AIRE: variants seen among roughly 807,000 people sequenced by gnomAD.
AIRE encodes autoimmune regulator.
AIRE carries 52 observed loss-of-function variants against 62.1 expected under a neutral mutation model. The ratio of observed to expected loss-of-function variants is 0.84; its 90% CI spans 0.67 to 1.06. The LOEUF (loss-of-function observed/expected upper bound fraction) is 1.06. Ranked by LOEUF, AIRE falls within the 50% of genes least tolerant of loss-of-function variation. The pLI, the probability that AIRE is intolerant of heterozygous loss-of-function variation, is 0.00. For synonymous variants in AIRE, 342 were observed against 321.6 expected (o/e 1.06, Z -0.68); for missense variants, 774 against 755.8 (o/e 1.02, Z -0.28).
Position 44,291,122 on chromosome 21 carries a change from C to T in AIRE, c.907C>T (p.Arg303Trp), listed in dbSNP as rs778929451. 43 of 1,612,338 alleles carry T rather than the reference C, an allele frequency of 2.7e-5. No individual in the cohort carries two copies. The highest frequency in any genetic ancestry group is 3.3e-5 in the Admixed American group (2 of 59,986). The change falls in exon 8 of 14, where the codon CGG becomes TGG. Residue 303 changes from arginine (R) to tryptophan (W), a missense_variant. Arg to Trp is a moderately radical substitution (Grantham distance 101). Around this residue, in one of 3 missense-constraint regions of AIRE, gnomAD observed 35 missense variants for 63.7 expected, o/e 0.55. Transcript: ENST00000291582. ...GAATGAGGACGAGTGTGCCGTGTGTCGGGACGGCGGGGAGCTCATCTGCTG... is the reference window on the plus strand; with the variant it reads ...GAATGAGGACGAGTGTGCCGTGTGTTGGGACGGCGGGGAGCTCATCTGCTG... ...QKNEDECAVCRDGGELICCDG... is the reference protein window; with the variant it reads ...QKNEDECAVCWDGGELICCDG...
chr21:44,288,688 C>T (rs1033319992), intron 5 of AIRE: 5 of 543,776 alleles, frequency 9.2e-6, no homozygotes, highest in African/African-American at 1.9e-5. Flanking sequence ...ACATCCCCAC[C>T]CGGGATGTAC....
In AIRE at chr21:44,285,987, CG is replaced by C; in HGVS notation, c.-17del. On this transcript the variant is annotated 5_prime_UTR_variant, in exon 1 of 14. Transcript: ENST00000291582. ...GGACCCACCGCGTCCGCCCCAGCCC[CG>C]GGTCCCCGCGCCCACCCCATGGCGA... The C allele has an allele frequency of 4.6e-6, 7 of 1,525,614 alleles. No individual in the cohort carries two copies. Among genetic ancestry groups the C allele is most frequent in the Non-Finnish European group, 5.3e-6 (6 of 1,141,506 alleles). The allele number at this position is 1,525,614 out of a possible 1,614,324, so 94.5% of individuals were successfully genotyped here. A position where few individuals can be genotyped will look rare whatever the true frequency, so the allele number is the denominator to read the frequency against.
rs1225009680 is a variant in AIRE, at chr21:44,292,975, C to G, written c.1096-18C>G. 1 of 1,611,478 alleles carries G rather than the reference C, an allele frequency of 6.2e-7. No individual in the cohort carries two copies. Among genetic ancestry groups the G allele is most frequent in the East Asian group, 2.2e-5 (1 of 44,870 alleles). On this transcript the variant is annotated intron_variant, in intron 9 of 13. Coordinates refer to ENST00000291582, the MANE Select transcript of AIRE (RefSeq NM_000383.4). ...GCAGGCGCCCGCTGCCCCTCTGATGCTGACCCTTGGGTTCCAGCTCCCCCC... is the reference window on the plus strand; with the variant it reads ...GCAGGCGCCCGCTGCCCCTCTGATGGTGACCCTTGGGTTCCAGCTCCCCCC...
rs117917332 is a variant in AIRE at position 44,287,334 on chromosome 21, C to T, written c.464-183C>T. 5.5e-3 allele frequency: 4,118 copies of T among 742,594 alleles called. 12 individuals are homozygous for T. The highest frequency in any genetic ancestry group is 7.0e-3 in the Non-Finnish European group (3,138 of 448,612). The allele number at this position is 742,594 out of a possible 1,614,324, so 46.0% of individuals were successfully genotyped here. A position where few individuals can be genotyped will look rare whatever the true frequency, so the allele number is the denominator to read the frequency against. Reference sequence around the variant, plus strand: ...CCTCCTGCCTGAAGGCTGAGCTCCCCGGAGCTGGTGAAGTAGGCGGGCGGG... The same window carrying T: ...CCTCCTGCCTGAAGGCTGAGCTCCCTGGAGCTGGTGAAGTAGGCGGGCGGG... On this transcript the variant is annotated intron_variant, in intron 3 of 13. Transcript: ENST00000291582. The surrounding 1 kb of genome is among the most constrained non-coding windows in gnomAD (Gnocchi z 4.3).
intron 5 of AIRE, 50 bp from the exon 6 acceptor site, chr21:44,289,607 G>A (rs1422071749): frequency 1.2e-6 from 2 of 1,610,686 alleles, no homozygotes; most frequent in Admixed American, 1.7e-5. Flanking sequence ...GACTGCCAAG[G>A]CAGGTCCTGC....
intron 7 of AIRE, 81 bp from the exon 8 acceptor site, chr21:44,291,014 A>G (rs1174456643): frequency 6.2e-7 from 1 of 1,612,914 alleles, no homozygotes. Flanking sequence ...CTGCTGGGGG[A>G]GCTGTTTTGG....
rs1303723412 is a variant in AIRE, at chr21:44,292,973, T to C, written c.1096-20T>C. 6.2e-7 allele frequency: 1 copy of C among 1,611,156 alleles called. No individual in the cohort carries two copies. Among genetic ancestry groups the C allele is most frequent in the Admixed American group, 1.7e-5 (1 of 59,992 alleles). ...GGGCAGGCGCCCGCTGCCCCTCTGA[T>C]GCTGACCCTTGGGTTCCAGCTCCCC... On this transcript the variant is annotated intron_variant, in intron 9 of 13. Transcript: ENST00000291582.
chr21:44,295,737 A>G (rs3788113), intron 12 of AIRE, among the ~76,000 whole-genome samples: 46,512 of 151,878 alleles, frequency 0.31, 8,453 homozygotes, highest in African/African-American at 0.51. Flanking sequence ...CCCAGACCCC[A>G]TCCTGAGCAG....
intron 12 of AIRE, among the ~76,000 whole-genome samples, chr21:44,294,980 T>C (rs1358899481): frequency 6.6e-6 from 1 of 152,166 alleles, no homozygotes; most frequent in Non-Finnish European, 1.5e-5. Flanking sequence ...CTTCCTGTCC[T>C]CCTGCTCCGG....
At position 44,285,985 on chromosome 21, in the gene AIRE, C is replaced by T. The variant is rs1439079485; in HGVS notation, c.-22C>T. On this transcript the variant is annotated 5_prime_UTR_variant, in exon 1 of 14. Transcript: ENST00000291582. ...CGGGACCCACCGCGTCCGCCCCAGC[C>T]CCGGGTCCCCGCGCCCACCCCATGG... is the stretch of plus-strand genomic sequence containing the variant. 3 of 1,525,290 alleles carry T rather than the reference C, an allele frequency of 2.0e-6. No individual in the cohort carries two copies. Among genetic ancestry groups the T allele is most frequent in the Middle Eastern group, 2.2e-4 (1 of 4,480 alleles). The allele number at this position is 1,525,290 out of a possible 1,614,324, so 94.5% of individuals were successfully genotyped here.
chr21:44,294,955 GTCC>G (rs1601971005), intron 12 of AIRE, among the ~76,000 whole-genome samples: 2 of 152,194 alleles, frequency 1.3e-5, no homozygotes, highest in East Asian at 3.9e-4. Context: ...GTGACCCCGG[GTCC>G]AGCCAGTAGC....
At chr21:44,288,518 A>G (rs1222320933) in intron 5 of AIRE, 60 bp downstream of exon 5, 4 of 1,278,448 alleles carry the variant, frequency 3.1e-6, no homozygotes, top group African/African-American at 1.5e-5. Flanking sequence ...AGATGGAAGG[A>G]GGACCACGCC....
chr21:44,291,213 G>T lies in AIRE; in HGVS notation c.995+3G>T, dbSNP rs372856026. ...CCTCCGCTCCGGGAGATCCCCAGGT[G>T]AGCCTGCACCTCTGCCAGCGCAACC... On this transcript the variant is annotated splice_donor_region_variant and intron_variant, in intron 8 of 13. Coordinates refer to ENST00000291582, the MANE Select transcript of AIRE (RefSeq NM_000383.4). 8 of 1,599,776 alleles carry T rather than the reference G, an allele frequency of 5.0e-6. No homozygotes were observed. Among genetic ancestry groups the T allele is most frequent in the Non-Finnish European group, 5.9e-6 (7 of 1,179,632 alleles).
In AIRE at chr21:44,297,409, G is replaced by A. The variant is rs948022642; in HGVS notation, c.1567-247G>A. Among the ~76,000 whole-genome samples the A allele has an allele frequency of 5.3e-5, 8 of 151,932 alleles. No homozygotes were observed. Among genetic ancestry groups the A allele is most frequent in the Non-Finnish European group, 1.2e-4 (8 of 67,996 alleles). On this transcript the variant is annotated intron_variant, in intron 13 of 13. Transcript: ENST00000291582. The surrounding 1 kb of genome is among the most constrained non-coding windows in gnomAD (Gnocchi z 4.8). ...AGGATGTGGTGAAGTACACAGGACAGGGTCCTCGGTCTGGCCTGTGCCATG... is the reference window on the plus strand; with the variant it reads ...AGGATGTGGTGAAGTACACAGGACAAGGTCCTCGGTCTGGCCTGTGCCATG...
chr21:44,297,573 G>T lies in AIRE; in HGVS notation c.1567-83G>T. 7.6e-7 allele frequency: 1 copy of T among 1,311,458 alleles called. No individual in the cohort carries two copies. The allele number at this position is 1,311,458 out of a possible 1,614,324, so 81.2% of individuals were successfully genotyped here. A position where few individuals can be genotyped will look rare whatever the true frequency, so the allele number is the denominator to read the frequency against. ...TTTGACTTAGAGGGAAGGTTGGATGGTGACTTCTTGTAACGATGGCCATGA... is the reference window on the plus strand; with the variant it reads ...TTTGACTTAGAGGGAAGGTTGGATGTTGACTTCTTGTAACGATGGCCATGA... On this transcript the variant is annotated intron_variant, in intron 13 of 13. Coordinates refer to ENST00000291582, the MANE Select transcript of AIRE (RefSeq NM_000383.4). The surrounding 1 kb of genome is among the most constrained non-coding windows in gnomAD (Gnocchi z 4.8).
chr21:44,289,648 T>A lies in AIRE; in HGVS notation c.653-9T>A, dbSNP rs941927668. ...GGGTGAGCCAGGACCAGCCGGCATC[T>A]CCTCCCAGGCGGCTCCAAGAAGTGC... On this transcript the variant is annotated splice_polypyrimidine_tract_variant and intron_variant, in intron 5 of 13. Transcript: ENST00000291582. 2.5e-6 allele frequency: 4 copies of A among 1,612,532 alleles called. No homozygotes were observed. Among genetic ancestry groups the A allele is most frequent in the African/African-American group, 1.3e-5 (1 of 74,894 alleles).
In AIRE at chr21:44,297,576, A is replaced by C; in HGVS notation, c.1567-80A>C. 1 of 1,327,040 alleles carries C rather than the reference A, an allele frequency of 7.5e-7. No individual in the cohort carries two copies. The highest frequency in any genetic ancestry group is 1.1e-6 in the Non-Finnish European group (1 of 928,244). The allele number at this position is 1,327,040 out of a possible 1,614,324, so 82.2% of individuals were successfully genotyped here. ...GACTTAGAGGGAAGGTTGGATGGTG[A>C]CTTCTTGTAACGATGGCCATGATTC... On this transcript the variant is annotated intron_variant, in intron 13 of 13. Coordinates refer to ENST00000291582, the MANE Select transcript of AIRE (RefSeq NM_000383.4). This position sits in a 1 kb window ranked among gnomAD's most constrained non-coding sequence, Gnocchi z 4.8.
In AIRE at chr21:44,292,370, C is replaced by T. The variant is rs370821895; in HGVS notation, c.1064C>T (p.Pro355Leu). ...GAGGTGCAGCCCCGGGCAGAGGAGC[C>T]CCGGCCCCAGGAGCCACCCGTGGAG... The part of the protein sequence containing the change: ...VQEVQPRAEE[P>L]RPQEPPVETP... Residue 355 changes from proline to leucine, a missense_variant, in exon 9 of 14, where the codon CCC (proline) becomes CTC (leucine). By Grantham distance (98) the Pro-to-Leu change is moderately conservative. Coordinates refer to ENST00000291582, the MANE Select transcript of AIRE (RefSeq NM_000383.4). 6.4e-6 allele frequency: 10 copies of T among 1,563,540 alleles called. No homozygotes were observed. Among genetic ancestry groups the T allele is most frequent in the Non-Finnish European group, 6.9e-6 (8 of 1,153,926 alleles).
chr21:44,291,877 T>TG (rs1379587429), intron 8 of AIRE, among the ~76,000 whole-genome samples: 2 of 152,104 alleles, frequency 1.3e-5, no homozygotes, highest in Non-Finnish European at 2.9e-5. Flanking sequence ...AGGGGCACAG[T>TG]GGGGGTCATT....
Sources: allele counts gnomAD v4.1 joint callset (sites outside exome capture counted in the v4.1 genomes callset), GRCh38; gene constraint gnomAD v4.1.1; regional missense constraint gnomAD v4.1.1; non-coding constraint Gnocchi (gnomAD v3.1); transcripts MANE v1.5; gene names NCBI Gene and HGNC (gene_info 2026-07-23, HGNC 2026-07-21).